Variants in DLG5 observed in about 807,000 individuals in gnomAD.
DLG5 encodes disks large homolog 5.
Under a neutral mutation model 189.8 loss-of-function variants are expected in DLG5, and 48 were observed. That is an observed-to-expected ratio of 0.25 (90% confidence interval 0.20 to 0.32). The LOEUF (loss-of-function observed/expected upper bound fraction) is 0.32. Ranked by LOEUF, DLG5 falls within the 10% of genes least tolerant of loss-of-function variation. DLG5 has a pLI of 1.00. For synonymous variants in DLG5, 1,016 were observed against 1,054.1 expected (o/e 0.96, Z 0.70); for missense variants, 2,160 against 2,544.7 (o/e 0.85, Z 3.25).
Position 77,926,335 on chromosome 10 carries a change from G to A in DLG5, c.186C>T (p.Ala62=). 1 of 1,604,486 alleles carries A rather than the reference G, an allele frequency of 6.2e-7. No individual in the cohort carries two copies. The part of the protein sequence containing the change: ...KAELLLKLLL[A]KERDHFQDLR... ...GGTCCTGGAAGTGGTCCCGCTCCTT[G>A]GCCAAGAGCAGCTTGAGCAGCAGCT... Residue 62 remains alanine (A), a synonymous_variant, in exon 1 of 32, where the codon GCC becomes GCT. Transcript: ENST00000372391. This position sits in a 1 kb window ranked among gnomAD's most constrained non-coding sequence, Gnocchi z 5.2.
Position 77,853,475 on chromosome 10 carries a change from C to T in DLG5, c.743G>A (p.Arg248Lys), listed in dbSNP as rs1844079319. Residue 248 changes from arginine (R) to lysine (K), a missense_variant, in exon 5 of 32, where the codon AGG (arginine) becomes AAG (lysine). Physicochemically the swap from Arg to Lys is conservative, Grantham distance 26. Transcript: ENST00000372391. ...CCGCAGCAGCTGCCCATTCTCCCGC[C>T]TCAGCATGTCCACGTCATCCTTCAG... is the stretch of plus-strand genomic sequence containing the variant. ...TRLKDDVDML[R>K]RENGQLLRER... The T allele has an allele frequency of 1.9e-6, 3 of 1,612,150 alleles. No homozygotes were observed. Among genetic ancestry groups the T allele is most frequent in the East Asian group, 4.5e-5 (2 of 44,862 alleles).
the DLG5 span, among the ~76,000 whole-genome samples, chr10:77,939,961 G>C: frequency 6.6e-6 from 1 of 152,216 alleles, no homozygotes; most frequent in Non-Finnish European, 1.5e-5. Context: ...CCCACAACCT[G>C]TAGCAACCAA....
chr10:77,878,488 GATGCT>G (rs968259777), intron 1 of DLG5, among the ~76,000 whole-genome samples: 2 of 152,192 alleles, frequency 1.3e-5, no homozygotes, highest in African/African-American at 2.4e-5. Flanking sequence ...ACAGACAGCA[GATGCT>G]ATGGAAGGGA....
intron 1 of DLG5, among the ~76,000 whole-genome samples, chr10:77,899,918 G>A (rs1491000334): frequency 6.6e-6 from 1 of 152,184 alleles, no homozygotes; most frequent in East Asian, 1.9e-4. Flanking sequence ...AAACATAACA[G>A]CAAATGGATA....
At chr10:77,897,893 C>G (rs923174061) in intron 1 of DLG5, among the ~76,000 whole-genome samples, 1 of 152,106 alleles carries the variant, frequency 6.6e-6, no homozygotes, top group African/African-American at 2.4e-5. Flanking sequence ...ATATTCTGGT[C>G]CCCTTGTCTC....
intron 5 of DLG5, among the ~76,000 whole-genome samples, chr10:77,850,978 G>A (rs566806203): frequency 2.0e-5 from 3 of 152,352 alleles, no homozygotes; most frequent in Admixed American, 1.3e-4. Context: ...TGAGCCAAGC[G>A]TAGACCAAGA....
At chr10:77,823,392 T>C (rs548727043) in intron 14 of DLG5, among the ~76,000 whole-genome samples, 1 of 152,360 alleles carries the variant, frequency 6.6e-6, no homozygotes, top group African/African-American at 2.4e-5. Flanking sequence ...TTTTCAAATA[T>C]GTAGAAAAGT....
rs750372386 is a variant in DLG5 at position 77,819,391 on chromosome 10, T to A, written c.3601A>T (p.Ser1201Cys). Residue 1201 changes from serine to cysteine, a missense_variant, in exon 17 of 32, where the codon AGT becomes TGT. Physicochemically the swap from Ser to Cys is moderately radical, Grantham distance 112. This residue lies in a region of DLG5 where 754 missense variants were observed against 746.5 expected (regional missense o/e 1.01). Transcript: ENST00000372391. ...ILRNPIYTVR[S>C]HRVGPCSSPP... ...GAGCTGCAGGGGCCGACCCTGTGAC[T>A]GCGCACAGTGTAGATGGGGTTCCGC... 6.2e-6 allele frequency: 10 copies of A among 1,614,084 alleles called. 1 individual carries two copies. In the South Asian group the frequency reaches 1.1e-4, roughly 18 times the overall value.
chr10:77,854,383 G>A lies in DLG5; in HGVS notation c.537-13C>T. The A allele has an allele frequency of 1.2e-6, 2 of 1,613,566 alleles. No homozygotes were observed. Among genetic ancestry groups the A allele is most frequent in the East Asian group, 4.5e-5 (2 of 44,886 alleles). On this transcript the variant is annotated splice_polypyrimidine_tract_variant and intron_variant, in intron 3 of 31. Coordinates refer to ENST00000372391, the MANE Select transcript of DLG5 (RefSeq NM_004747.4). ...CCTGTGGTAGGGCCTGGCCCAGAGA[G>A]CGAATGGCCCCATGAACACAGGCCC...
In DLG5 at chr10:77,805,733, C is replaced by A. The variant is rs760136712; in HGVS notation, c.5096G>T (p.Gly1699Val). The change falls in exon 27 of 32, where the codon GGG (glycine) becomes GTG (valine). Residue 1699 changes from glycine to valine, a missense_variant. Physicochemically the swap from Gly to Val is moderately radical, Grantham distance 109. Coordinates refer to ENST00000372391, the MANE Select transcript of DLG5 (RefSeq NM_004747.4). ...FRRKHKHKRS[G>V]SKDGKDLLAL... Reference sequence around the variant, plus strand: ...GAGCAGGTCTTTCCCGTCCTTGGACCCGCTGCGTTTGTGCTTGTGTTTCCT... The same window carrying A: ...GAGCAGGTCTTTCCCGTCCTTGGACACGCTGCGTTTGTGCTTGTGTTTCCT... 1 of 1,614,130 alleles carries A rather than the reference C, an allele frequency of 6.2e-7. No individual in the cohort carries two copies. Among genetic ancestry groups the A allele is most frequent in the Non-Finnish European group, 8.5e-7 (1 of 1,180,034 alleles).
chr10:77,792,416 A>G lies in DLG5; in HGVS notation c.*24T>C. On this transcript the variant is annotated 3_prime_UTR_variant, in exon 32 of 32. Transcript: ENST00000372391. ...GGTGTCCCCTCAGGCGGCCAGCTGC[A>G]GTCATCCACAGCACAGCATTCTCCT... 6.2e-7 allele frequency: 1 copy of G among 1,604,856 alleles called. No homozygotes were observed. The highest frequency in any genetic ancestry group is 1.3e-5 in the African/African-American group (1 of 74,906).
intron 2 of DLG5, chr10:77,867,086 C>T (rs781209981): frequency 8.8e-6 from 4 of 456,868 alleles, no homozygotes; most frequent in South Asian, 3.1e-5. Context: ...ACGGCTCCAT[C>T]GCAAGGACTG....
chr10:77,902,887 A>G (rs923147873), intron 1 of DLG5, among the ~76,000 whole-genome samples: 31 of 151,488 alleles, frequency 2.0e-4, no homozygotes, highest in African/African-American at 7.5e-4. Flanking sequence ...ATAAATAAAT[A>G]AATAAATAAA....
At chr10:77,816,978 G>A (rs1842088747) in intron 19 of DLG5, 29 bp downstream of exon 19, 5 of 1,608,244 alleles carry the variant, frequency 3.1e-6, no homozygotes, top group Non-Finnish European at 4.3e-6. Flanking sequence ...GGAAAAGCAG[G>A]AGAGATGGGA....
At chr10:77,910,503 C>A (rs1404242067) in intron 1 of DLG5, among the ~76,000 whole-genome samples, 1 of 152,190 alleles carries the variant, frequency 6.6e-6, no homozygotes, top group East Asian at 1.9e-4. Flanking sequence ...AGGAGAATGT[C>A]AGGAAAAACT....
intron 1 of DLG5, among the ~76,000 whole-genome samples, chr10:77,870,617 C>G (rs1004732961): frequency 6.6e-6 from 1 of 151,798 alleles, no homozygotes; most frequent in Non-Finnish European, 1.5e-5. Flanking sequence ...CCAGGGAAGT[C>G]AAGGCTGCAG....
At position 77,830,705 on chromosome 10, in the gene DLG5, C is replaced by G; in HGVS notation, c.1881+36G>C. The G allele has an allele frequency of 3.1e-6, 5 of 1,607,886 alleles. No homozygotes were observed. The South Asian group carries it at 5.5e-5, about 18-fold the overall frequency. ...GGTCACCGTCTCCTCCTTCATCCAT[C>G]AGAGAAGGAGAGAAGAACCATCAGA... is the stretch of plus-strand genomic sequence containing the variant. On this transcript the variant is annotated intron_variant, in intron 10 of 31. Coordinates refer to ENST00000372391, the MANE Select transcript of DLG5 (RefSeq NM_004747.4).
At chr10:77,887,040 G>A (rs537766015) in intron 1 of DLG5, among the ~76,000 whole-genome samples, 9 of 152,302 alleles carry the variant, frequency 5.9e-5, no homozygotes, top group South Asian at 2.1e-4. Flanking sequence ...CTGTATGGCA[G>A]CCTTAGCAAA....
At chr10:77,879,915 G>T (rs1845224169) in intron 1 of DLG5, among the ~76,000 whole-genome samples, 1 of 152,078 alleles carries the variant, frequency 6.6e-6, no homozygotes, top group East Asian at 2.0e-4. Flanking sequence ...TGGATGTACA[G>T]GCCTCAAGTT....
Sources: allele counts gnomAD v4.1 joint callset (sites outside exome capture counted in the v4.1 genomes callset), GRCh38; gene constraint gnomAD v4.1.1; regional missense constraint gnomAD v4.1.1; non-coding constraint Gnocchi (gnomAD v3.1); transcripts MANE v1.5; gene names NCBI Gene and HGNC (gene_info 2026-07-23, HGNC 2026-07-21).